CSMD1: variants seen among roughly 807,000 people sequenced by gnomAD.
CSMD1 encodes the protein CUB and sushi domain-containing protein 1.
CSMD1 carries 213 observed loss-of-function variants against 417.5 expected under a neutral mutation model. The ratio of observed to expected loss-of-function variants is 0.51; its 90% CI spans 0.46 to 0.57. The LOEUF is 0.57. Among genes scored for constraint, CSMD1 ranks in the 20% least tolerant of loss-of-function variants. The pLI is 0.00. For synonymous variants in CSMD1, 2,862 were observed against 1,736.8 expected (o/e 1.65, Z -16.11); for missense variants, 6,923 against 4,529.7 (o/e 1.53, Z -15.17).
intron 3 of CSMD1, among the ~76,000 whole-genome samples, chr8:4,149,531 A>C (rs910150907): frequency 6.6e-6 from 1 of 152,212 alleles, no homozygotes; most frequent in Admixed American, 6.5e-5. Context: ...TACCATTTCA[A>C]TACTAACCAA....
At chr8:3,437,749 C>CT (rs1227885654) in intron 12 of CSMD1, among the ~76,000 whole-genome samples, 2 of 67,244 alleles carry the variant, frequency 3.0e-5, no homozygotes, top group Non-Finnish European at 5.5e-5. Context: ...TAATTGATAT[C>CT]TTTTCTTTTT....
intron 3 of CSMD1, among the ~76,000 whole-genome samples, chr8:4,097,634 G>A (rs892773655): frequency 6.6e-6 from 1 of 152,024 alleles, no homozygotes; most frequent in Non-Finnish European, 1.5e-5. Flanking sequence ...TGCAACATAG[G>A]GATTCAAGTA....
intron 5 of CSMD1, among the ~76,000 whole-genome samples, chr8:3,886,116 T>C (rs528653199): frequency 1.3e-5 from 2 of 152,198 alleles, no homozygotes; most frequent in Admixed American, 6.5e-5. Flanking sequence ...AGTGCTGCGA[T>C]CTCAGCTCAC....
chr8:4,940,307 C>T (rs1350651345), intron 1 of CSMD1, among the ~76,000 whole-genome samples: 1 of 152,154 alleles, frequency 6.6e-6, no homozygotes, highest in Admixed American at 6.5e-5. Flanking sequence ...GATATGGCTT[C>T]AATCTGAATT....
rs1350821738 is a variant in CSMD1, at chr8:3,192,902, TTGAG to T, written c.5195-2791_5195-2788del. The stretch of plus-strand genomic sequence containing the variant: ...AATTATTTGTGTCATGTTTGCATGC[TTGAG>T]TATTTTATTAGAGTTGAATAATGGC... On this transcript the variant is annotated intron_variant, in intron 33 of 69. Coordinates refer to ENST00000635120, the MANE Select transcript of CSMD1 (RefSeq NM_033225.6). Among the ~76,000 whole-genome samples the T allele has an allele frequency of 7.9e-5, 12 of 151,380 alleles. No individual in the cohort carries two copies. In the East Asian group the frequency reaches 2.1e-3, roughly 27 times the overall value.
In CSMD1 at chr8:3,581,175, C is replaced by G. The variant is rs113732797; in HGVS notation, c.1222+4961G>C. On this transcript the variant is annotated intron_variant, in intron 9 of 69. Transcript: ENST00000635120. The stretch of plus-strand genomic sequence containing the variant: ...TGATGGAATGAAGTACCAGCCTGAA[C>G]ATTTTACTTAAAAAAATAGAACGAT... Among the ~76,000 whole-genome samples, 889 of 152,210 alleles carry G rather than the reference C, an allele frequency of 5.8e-3. 6 individuals are homozygous for G. The highest frequency in any genetic ancestry group is 0.02 in the African/African-American group (837 of 41,536).
chr8:4,391,741 G>A (rs752548680), intron 3 of CSMD1, among the ~76,000 whole-genome samples: 6 of 152,142 alleles, frequency 3.9e-5, no homozygotes, highest in Non-Finnish European at 7.3e-5. Context: ...TGTGCCTGAA[G>A]CCTTCCCCTC....
In CSMD1 at chr8:4,400,384, C is replaced by T. The variant is rs1006097439; in HGVS notation, c.415+19569G>A. 2.6e-5 allele frequency among the ~76,000 whole-genome samples: 4 copies of T among 152,298 alleles called. No homozygotes were observed. The East Asian group carries it at 5.8e-4, about 22-fold the overall frequency. On this transcript the variant is annotated intron_variant, in intron 3 of 69. Coordinates refer to ENST00000635120, the MANE Select transcript of CSMD1 (RefSeq NM_033225.6). The stretch of plus-strand genomic sequence containing the variant: ...TCCAAATGCTTTTCATTTATATATC[C>T]ATCCTGTGTTTGCCGTTCCAGGAGC...
At chr8:3,414,540 C>T (rs1215798526) in intron 12 of CSMD1, among the ~76,000 whole-genome samples, 1 of 152,124 alleles carries the variant, frequency 6.6e-6, no homozygotes, top group Admixed American at 6.5e-5. Flanking sequence ...TGCTGCATCC[C>T]ATTTTCTGTG....
At chr8:4,295,841 T>C (rs1330050772) in intron 3 of CSMD1, among the ~76,000 whole-genome samples, 1 of 147,334 alleles carries the variant, frequency 6.8e-6, no homozygotes, top group African/African-American at 2.5e-5. Flanking sequence ...TATGCAAATT[T>C]CAGATTTCTT....
intron 11 of CSMD1, among the ~76,000 whole-genome samples, chr8:3,488,833 A>G (rs1471377421): frequency 6.6e-6 from 1 of 152,202 alleles, no homozygotes; most frequent in African/African-American, 2.4e-5. Context: ...TGTGAAAGAT[A>G]ATATACAGAA....
chr8:3,255,566 G>T (rs1800589960), intron 26 of CSMD1, among the ~76,000 whole-genome samples: 1 of 152,194 alleles, frequency 6.6e-6, no homozygotes, highest in Non-Finnish European at 1.5e-5. Flanking sequence ...CCTGTGCAAT[G>T]GTGGACGCCC....
chr8:3,874,709 C>T (rs1415057681), intron 5 of CSMD1, among the ~76,000 whole-genome samples: 2 of 152,052 alleles, frequency 1.3e-5, no homozygotes, highest in Non-Finnish European at 2.9e-5. Context: ...ACAACAAATG[C>T]GACTGGCGCC....
At chr8:3,550,130 C>G (rs150232245) in intron 10 of CSMD1, among the ~76,000 whole-genome samples, 1 of 152,126 alleles carries the variant, frequency 6.6e-6, no homozygotes, top group South Asian at 2.1e-4. Context: ...ATTGGGATCA[C>G]CCATGCACGT....
At chr8:4,215,643 G>A (rs561548594) in intron 3 of CSMD1, among the ~76,000 whole-genome samples, 3 of 152,040 alleles carry the variant, frequency 2.0e-5, no homozygotes, top group East Asian at 1.9e-4. Context: ...GATCATACAA[G>A]AATTGAAAAT....
chr8:4,189,518 T>G (rs1001863416), intron 3 of CSMD1, among the ~76,000 whole-genome samples: 1 of 152,172 alleles, frequency 6.6e-6, no homozygotes, highest in South Asian at 2.1e-4. Context: ...AAACATATAT[T>G]AAAGATCAAT....
At chr8:3,210,679 C>A (rs1797553674) in intron 30 of CSMD1, among the ~76,000 whole-genome samples, 1 of 147,952 alleles carries the variant, frequency 6.8e-6, no homozygotes, top group African/African-American at 2.5e-5. Context: ...TATATACACA[C>A]CTATATATGT....
chr8:4,892,783 G>T (rs1056067180), intron 1 of CSMD1, among the ~76,000 whole-genome samples: 2 of 151,940 alleles, frequency 1.3e-5, no homozygotes, highest in African/African-American at 4.8e-5. Context: ...TAATAATAGG[G>T]TATAAATCTA....
At chr8:2,942,294 C>A (rs1801926975) in intron 69 of CSMD1, among the ~76,000 whole-genome samples, 178 bp downstream of exon 69, 1 of 151,662 alleles carries the variant, frequency 6.6e-6, no homozygotes, top group African/African-American at 2.4e-5. Context: ...AGGTAACAAA[C>A]CTGCACATCC....
Sources: allele counts gnomAD v4.1 joint callset (sites outside exome capture counted in the v4.1 genomes callset), GRCh38; gene constraint gnomAD v4.1.1; transcripts MANE v1.5; gene names NCBI Gene and HGNC (gene_info 2026-07-23, HGNC 2026-07-21).